Variants in RREB1 observed in about 807,000 individuals in gnomAD.
The protein encoded by RREB1 is ras responsive element binding protein 1, also known as ras-responsive element-binding protein 1.
Under a neutral mutation model 117.8 loss-of-function variants are expected in RREB1, and 27 were observed. The ratio of observed to expected loss-of-function variants is 0.23; its 90% confidence interval spans 0.17 to 0.32. The LOEUF (loss-of-function observed/expected upper bound fraction) is 0.32. Ranked by LOEUF, RREB1 falls within the 10% of genes least tolerant of loss-of-function variation. The pLI is 1.00. For missense variants in RREB1, 2,577 were observed against 2,378.2 expected, an observed-to-expected ratio of 1.08 and a Z score of -1.74; for synonymous variants, 1,298 against 1,026.7, an observed-to-expected ratio of 1.26 and a Z score of -5.05.
Position 7,139,992 on chromosome 6 carries a change from A to G in RREB1, c.-285+31932A>G, listed in dbSNP as rs552660420. On this transcript the variant is annotated intron_variant, in intron 1 of 12. Coordinates refer to ENST00000379938, the MANE Select transcript of RREB1 (RefSeq NM_001003699.4). ...ATTAACTACTTTTATCAGAGCTTGC[A>G]GTGTGCTGAATGGTTAGCAAAGAGA... Among the ~76,000 whole-genome samples the G allele has an allele frequency of 1.4e-4, 21 of 152,362 alleles. No individual in the cohort carries two copies. The South Asian group carries it at 3.5e-3, about 26-fold the overall frequency.
chr6:7,141,312 C>G (rs979979774), intron 1 of RREB1, among the ~76,000 whole-genome samples: 2 of 152,146 alleles, frequency 1.3e-5, no homozygotes, highest in Non-Finnish European at 2.9e-5. Flanking sequence ...CGGATCTTGC[C>G]GCACTTTCCT....
At chr6:7,161,867 G>C (rs1030871098) in intron 1 of RREB1, among the ~76,000 whole-genome samples, 5 of 152,078 alleles carry the variant, frequency 3.3e-5, no homozygotes, top group Non-Finnish European at 5.9e-5. Context: ...CCTCCTAACT[G>C]GGTTATATAC....
At position 7,231,774 on chromosome 6, in the gene RREB1, T is replaced by A; in HGVS notation, c.3675T>A (p.Ser1225Arg). 1 of 1,613,678 alleles carries A rather than the reference T, an allele frequency of 6.2e-7. No individual in the cohort carries two copies. The highest frequency in any genetic ancestry group is 8.5e-7 in the Non-Finnish European group (1 of 1,179,982). ...HHGPSDEEQG[S>R]PPEDKLLRAK... ...GGCCCAGTGATGAAGAGCAGGGCAG[T>A]CCCCCAGAAGACAAGCTGCTGAGGG... is the stretch of plus-strand genomic sequence containing the variant. Residue 1225 changes from serine to arginine, a missense_variant, in exon 10 of 13, where the codon AGT (serine) becomes AGA (arginine). Coordinates refer to ENST00000379938, the MANE Select transcript of RREB1 (RefSeq NM_001003699.4).
chr6:7,247,649 G>A (rs1042131392), intron 12 of RREB1, among the ~76,000 whole-genome samples: 9 of 152,124 alleles, frequency 5.9e-5, no homozygotes, highest in African/African-American at 1.7e-4. Flanking sequence ...AGGCACCCTG[G>A]GTGATCCATT....
intron 10 of RREB1, among the ~76,000 whole-genome samples, chr6:7,237,315 G>A (rs960876378): frequency 1.3e-5 from 2 of 151,990 alleles, no homozygotes; most frequent in Non-Finnish European, 1.5e-5. Context: ...TTGAACTCCC[G>A]ATCTCAGGTA....
intron 1 of RREB1, among the ~76,000 whole-genome samples, chr6:7,148,075 T>C (rs951843785): frequency 5.9e-5 from 9 of 152,140 alleles, no homozygotes; most frequent in African/African-American, 1.9e-4. Context: ...GCCGATGTGC[T>C]TGCGAGTGAG....
At chr6:7,120,659 G>A (rs1761635862) in intron 1 of RREB1, among the ~76,000 whole-genome samples, 2 of 144,920 alleles carry the variant, frequency 1.4e-5, no homozygotes, top group South Asian at 4.3e-4. Flanking sequence ...ATGATTTTTA[G>A]ATGAGATGTA....
chr6:7,110,741 T>C (rs940588274), intron 1 of RREB1, among the ~76,000 whole-genome samples: 1 of 152,268 alleles, frequency 6.6e-6, no homozygotes, highest in African/African-American at 2.4e-5. Flanking sequence ...TGCATTGTCT[T>C]TGTCTTAAAA....
chr6:7,197,578 T>C (rs1341191922), intron 6 of RREB1, among the ~76,000 whole-genome samples: 1 of 152,164 alleles, frequency 6.6e-6, no homozygotes, highest in Non-Finnish European at 1.5e-5. Context: ...GGAAGTTGAG[T>C]TCACTTGAAC....
intron 10 of RREB1, among the ~76,000 whole-genome samples, chr6:7,233,645 T>G (rs1768131827): frequency 6.6e-6 from 1 of 152,088 alleles, no homozygotes; most frequent in Non-Finnish European, 1.5e-5. Context: ...TTTTTGTGGG[T>G]TTTTCTTTTT....
At position 7,248,598 on chromosome 6, in the gene RREB1, C is replaced by T. The variant is rs749184807; in HGVS notation, c.4859C>T (p.Ala1620Val). 3 of 1,614,260 alleles carry T rather than the reference C, an allele frequency of 1.9e-6. No homozygotes were observed. The highest frequency in any genetic ancestry group is 3.3e-5 in the Admixed American group (2 of 60,034). Residue 1620 changes from alanine to valine, a missense_variant, in exon 13 of 13, where the codon GCC becomes GTC. Transcript: ENST00000379938. The stretch of plus-strand genomic sequence containing the variant: ...CGCCACCAGCGGATCCACCAGAAAG[C>T]CAGGCATGCCAAACACCACGGGAAG... ...LVRHQRIHQKARHAKHHGKDS... is the reference protein window; with the variant it reads ...LVRHQRIHQKVRHAKHHGKDS...
At chr6:7,177,454 T>C (rs958602412) in intron 2 of RREB1, among the ~76,000 whole-genome samples, 3 of 152,144 alleles carry the variant, frequency 2.0e-5, no homozygotes, top group African/African-American at 7.2e-5. Context: ...TTGGTAATGT[T>C]GATCATATCT....
At chr6:7,116,238 A>G (rs1262784936) in intron 1 of RREB1, among the ~76,000 whole-genome samples, 1 of 151,478 alleles carries the variant, frequency 6.6e-6, no homozygotes, top group Non-Finnish European at 1.5e-5. Flanking sequence ...AGCTCTTGTC[A>G]CTCTCTTCTA....
At chr6:7,225,765 C>T (rs1158304108) in intron 8 of RREB1, among the ~76,000 whole-genome samples, 1 of 152,028 alleles carries the variant, frequency 6.6e-6, no homozygotes, top group African/African-American at 2.4e-5. Flanking sequence ...GGCTGTGGGG[C>T]CTGAGTCACA....
chr6:7,196,471 TTA>T (rs764671150), intron 6 of RREB1, among the ~76,000 whole-genome samples: 5 of 152,008 alleles, frequency 3.3e-5, no homozygotes, highest in Non-Finnish European at 7.4e-5. Context: ...CTCAGAATTG[TTA>T]TATTGGTCAA....
chr6:7,247,033 G>T lies in RREB1; in HGVS notation c.4583G>T (p.Gly1528Val), dbSNP rs1158198388. 2 of 1,612,234 alleles carry T rather than the reference G, an allele frequency of 1.2e-6. No individual in the cohort carries two copies. Among genetic ancestry groups the T allele is most frequent in the South Asian group, 1.1e-5 (1 of 91,018 alleles). ...GAAAAGCTCGCGGAGGAGACGGAGG[G>T]CCCCTCCGACGGGGAGAGCGCGGCC... ...PAEKLAEETE[G>V]PSDGESAAEK... Residue 1528 changes from glycine (G) to valine (V), a missense_variant, in exon 12 of 13, where the codon GGC (glycine) becomes GTC (valine). Gly to Val is a moderately radical substitution (Grantham distance 109, BLOSUM62 -3). Transcript: ENST00000379938.
At chr6:7,113,800 A>G (rs1761261941) in intron 1 of RREB1, among the ~76,000 whole-genome samples, 2 of 152,242 alleles carry the variant, frequency 1.3e-5, no homozygotes, top group South Asian at 4.1e-4. Context: ...AGGAAATTTT[A>G]AAAAGCACTT....
intron 1 of RREB1, among the ~76,000 whole-genome samples, chr6:7,158,722 G>T (rs1444913282): frequency 6.6e-6 from 1 of 152,178 alleles, no homozygotes; most frequent in South Asian, 2.1e-4. Context: ...CCCCAACCTA[G>T]TAGTGGATCA....
chr6:7,115,921 G>A (rs978680321), intron 1 of RREB1, among the ~76,000 whole-genome samples: 9 of 152,040 alleles, frequency 5.9e-5, no homozygotes, highest in African/African-American at 1.9e-4. Context: ...CCCAATGTTC[G>A]ATCAGTCACC....
Sources: gnomAD v4.1 joint callset for allele counts (sites outside exome capture counted in the v4.1 genomes callset) on GRCh38, gnomAD v4.1.1 for gene constraint, MANE v1.5 for transcripts, NCBI Gene and HGNC (gene_info 2026-07-23, HGNC 2026-07-21) for gene names.